PIGN: variants seen among roughly 807,000 people sequenced by gnomAD.
PIGN encodes GPI ethanolamine phosphate transferase 1.
Under a neutral mutation model 125.4 loss-of-function variants are expected in PIGN, and 117 were observed. That is an observed-to-expected ratio of 0.93 (90% CI 0.80 to 1.09). The LOEUF is 1.09. Ranked by LOEUF, PIGN falls within the 50% of genes least tolerant of loss-of-function variation. The pLI is 0.00. For synonymous variants in PIGN, 392 were observed against 377.8 expected (o/e 1.04, Z -0.44); for missense variants, 1,075 against 1,094.9 (o/e 0.98, Z 0.26).
At chr18:62,138,924 A>C (rs2036032513) in intron 13 of PIGN, 59 bp downstream of exon 13, 1 of 782,816 alleles carries the variant, frequency 1.3e-6, no homozygotes, top group African/African-American at 1.8e-5. Context: ...AAATATATTC[A>C]ATATTTAAAT....
intron 14 of PIGN, among the ~76,000 whole-genome samples, chr18:62,124,297 C>A (rs2035419082): frequency 6.6e-6 from 1 of 152,102 alleles, no homozygotes; most frequent in African/African-American, 2.4e-5. Flanking sequence ...AGAATACTTA[C>A]CAAATTTCAC....
intron 23 of PIGN, among the ~76,000 whole-genome samples, chr18:62,032,680 G>T (rs2030208155): frequency 6.6e-6 from 1 of 152,132 alleles, no homozygotes; most frequent in African/African-American, 2.4e-5. Flanking sequence ...AAGTCTCATT[G>T]TTTACTAGCT....
intron 29 of PIGN, among the ~76,000 whole-genome samples, chr18:62,073,931 T>C (rs986124122): frequency 6.6e-6 from 1 of 152,184 alleles, no homozygotes; most frequent in Non-Finnish European, 1.5e-5. Context: ...TAATGTGATA[T>C]ATGATGAGGG....
At chr18:62,021,537 G>A (rs996303371) in intron 23 of PIGN, among the ~76,000 whole-genome samples, 8 of 152,370 alleles carry the variant, frequency 5.3e-5, no homozygotes, top group African/African-American at 1.9e-4. Context: ...ATGCAGTGGG[G>A]TGCATTGTAG....
intron 23 of PIGN, among the ~76,000 whole-genome samples, 183 bp downstream of exon 23, chr18:62,095,665 C>T (rs1380775006): frequency 2.0e-5 from 3 of 152,008 alleles, no homozygotes; most frequent in Admixed American, 1.3e-4. Context: ...ATTTAAAAAA[C>T]AGAAAACAGA....
chr18:62,167,185 A>AGT (rs1555698631), intron 1 of PIGN, among the ~76,000 whole-genome samples: 1 of 116,168 alleles, frequency 8.6e-6, no homozygotes, highest in Non-Finnish European at 1.9e-5. Flanking sequence ...AGAGAGCAGG[A>AGT]GCGCTCTCTC....
rs377425383 is a variant in PIGN at position 62,085,160 on chromosome 18, T to C, written c.2426+49A>G. The C allele has an allele frequency of 4.9e-4, 493 of 1,008,328 alleles. No homozygotes were observed. The African/African-American group carries it at 7.0e-3, about 14-fold the overall frequency. 62.5% of individuals were successfully genotyped at this position (1,008,328 alleles called of 1,614,324 possible). A position where few individuals can be genotyped will look rare whatever the true frequency, so the allele number is the denominator to read the frequency against. On this transcript the variant is annotated intron_variant, in intron 26 of 30. Transcript: ENST00000640252. ...GAACAAAAGGTATAGAAGTCCCAGGTTGCATTATTTTTTAGTTATATATAT... is the reference window on the plus strand; with the variant it reads ...GAACAAAAGGTATAGAAGTCCCAGGCTGCATTATTTTTTAGTTATATATAT...
chr18:62,111,063 A>G (rs556797406), intron 16 of PIGN, among the ~76,000 whole-genome samples: 1 of 151,916 alleles, frequency 6.6e-6, no homozygotes, highest in African/African-American at 2.4e-5. Context: ...CATTCTATAC[A>G]AAGTGAACTA....
rs144892973 is a variant in PIGN at position 62,063,960 on chromosome 18, G to A, written c.2672+8713C>T. Among the ~76,000 whole-genome samples, 1,332 of 151,110 alleles carry A rather than the reference G, an allele frequency of 8.8e-3. 40 individuals carry two copies. The highest frequency in any genetic ancestry group is 0.064 in the East Asian group (315 of 4,960). On this transcript the variant is annotated intron_variant, in intron 30 of 30. Transcript: ENST00000640252. ...GGGGGAGGGGGAAGGGATAGCATTA[G>A]GAGATATACCTAATGTAAATGATGA... is the stretch of plus-strand genomic sequence containing the variant.
intron 12 of PIGN, 54 bp downstream of exon 12, chr18:62,140,365 CT>C: frequency 1.3e-6 from 1 of 762,548 alleles, no homozygotes; most frequent in Non-Finnish European, 2.1e-6. Context: ...GTACATTTTA[CT>C]GTGCGATAGT....
intron 26 of PIGN, 71 bp from the exon 27 acceptor site, chr18:62,084,677 AG>A: frequency 3.1e-6 from 3 of 976,930 alleles, no homozygotes; most frequent in Non-Finnish European, 4.7e-6. Context: ...TCTTCTAAAA[AG>A]ATGTTTAAAC....
intron 1 of PIGN, among the ~76,000 whole-genome samples, chr18:62,173,960 A>C: frequency 6.6e-6 from 1 of 152,198 alleles, no homozygotes; most frequent in Non-Finnish European, 1.5e-5. Context: ...TTACGCCTGT[A>C]ATCTCAGCAC....
intron 7 of PIGN, among the ~76,000 whole-genome samples, chr18:62,149,374 A>G (rs540966770): frequency 6.6e-6 from 1 of 152,362 alleles, no homozygotes; most frequent in East Asian, 1.9e-4. Flanking sequence ...CTAGATAAAA[A>G]CAATAAGCTC....
chr18:62,098,791 T>C (rs548690771), intron 22 of PIGN, among the ~76,000 whole-genome samples: 1 of 152,262 alleles, frequency 6.6e-6, no homozygotes, highest in South Asian at 2.1e-4. Context: ...GGAAAGATCT[T>C]GTTTAAAATA....
At chr18:62,142,827 CAGA>C (rs2036186145) in intron 11 of PIGN, among the ~76,000 whole-genome samples, 1 of 152,198 alleles carries the variant, frequency 6.6e-6, no homozygotes, top group Non-Finnish European at 1.5e-5. Context: ...TTTCCTCTAA[CAGA>C]AGGTTTCTAG....
At chr18:62,110,020 T>G (rs189479774) in intron 16 of PIGN, 47 bp from the exon 17 acceptor site, 1 of 1,583,670 alleles carries the variant, frequency 6.3e-7, no homozygotes, top group Non-Finnish European at 8.7e-7. Context: ...CCAATGGTAA[T>G]TGATAGGTTT....
intron 20 of PIGN, among the ~76,000 whole-genome samples, chr18:62,104,293 T>C (rs919467175): frequency 1.3e-5 from 2 of 152,206 alleles, no homozygotes; most frequent in African/African-American, 2.4e-5. Context: ...GGCAAATTTA[T>C]ACAATTTCCT....
chr18:62,090,164 T>C (rs980653137), intron 24 of PIGN, among the ~76,000 whole-genome samples: 20 of 152,256 alleles, frequency 1.3e-4, no homozygotes, highest in African/African-American at 4.8e-4. Context: ...GGATGTGAAA[T>C]ATGAAGAAAA....
At chr18:62,152,859 T>C (rs200353946) in intron 7 of PIGN, among the ~76,000 whole-genome samples, 2 of 139,338 alleles carry the variant, frequency 1.4e-5, no homozygotes, top group South Asian at 2.2e-4. Flanking sequence ...TGCATATATA[T>C]ATATATATAT....
Sources: gnomAD v4.1 joint callset for allele counts (sites outside exome capture counted in the v4.1 genomes callset) on GRCh38, gnomAD v4.1.1 for gene constraint, MANE v1.5 for transcripts, NCBI Gene and HGNC (gene_info 2026-07-23, HGNC 2026-07-21) for gene names.